GLCCI1: variants seen among roughly 807,000 people sequenced by gnomAD.
GLCCI1 encodes glucocorticoid induced 1, also known as glucocorticoid-induced transcript 1 protein.
A neutral mutation model predicts 52.2 loss-of-function variants in GLCCI1; 24 were observed. That is an observed-to-expected ratio of 0.46 (90% CI 0.33 to 0.65). The LOEUF is 0.65. Ranked by LOEUF, GLCCI1 falls within the 30% of genes least tolerant of loss-of-function variation. GLCCI1 has a pLI of 0.02. For missense variants in GLCCI1, 704 were observed against 701.5 expected (o/e 1.00, Z -0.04); for synonymous variants, 310 against 276.5 (o/e 1.12, Z -1.20).
At chr7:7,982,410 T>C (rs1177712113) in intron 1 of GLCCI1, among the ~76,000 whole-genome samples, 1 of 152,208 alleles carries the variant, frequency 6.6e-6, no homozygotes, top group Non-Finnish European at 1.5e-5. Flanking sequence ...AACATTTTCT[T>C]TGTATACTTT....
At chr7:8,011,810 T>G (rs1283855748) in intron 2 of GLCCI1, among the ~76,000 whole-genome samples, 1 of 151,856 alleles carries the variant, frequency 6.6e-6, no homozygotes, top group African/African-American at 2.4e-5. Context: ...TTGTTGTTGT[T>G]TTTTGTTTTT....
intron 2 of GLCCI1, among the ~76,000 whole-genome samples, chr7:8,018,300 C>A (rs995607580): frequency 6.6e-6 from 1 of 151,730 alleles, no homozygotes; most frequent in African/African-American, 2.4e-5. Flanking sequence ...TTTTAAGTGG[C>A]TTTAGACTTT....
At chr7:7,979,407 T>C (rs948260148) in intron 1 of GLCCI1, among the ~76,000 whole-genome samples, 1 of 143,474 alleles carries the variant, frequency 7.0e-6, no homozygotes, top group Non-Finnish European at 1.6e-5. Context: ...CACTGAGTTT[T>C]AGATTTTATA....
At position 8,088,183 on chromosome 7, in the gene GLCCI1, G is replaced by A. The variant is rs143508292; in HGVS notation, c.*1645G>A. 1.0e-3 allele frequency: 157 copies of A among 152,068 alleles called. No individual in the cohort carries two copies. The highest frequency in any genetic ancestry group is 3.6e-3 in the African/African-American group (148 of 41,288). The allele number at this position is 152,068 out of a possible 1,614,324, so 9.4% of individuals were successfully genotyped here. On this transcript the variant is annotated 3_prime_UTR_variant, in exon 8 of 8. Transcript: ENST00000223145. The stretch of plus-strand genomic sequence containing the variant: ...AGGTTGAAGAAGGATGAGTGATAGA[G>A]AAGAAAGCAACACCATTGATTTTTT...
chr7:8,006,745 A>T (rs776928767), intron 2 of GLCCI1, among the ~76,000 whole-genome samples: 5 of 152,246 alleles, frequency 3.3e-5, no homozygotes, highest in Non-Finnish European at 5.9e-5. Flanking sequence ...CAGATTCTTC[A>T]GAGTTACATG....
At chr7:8,025,542 A>G (rs978785288) in intron 3 of GLCCI1, among the ~76,000 whole-genome samples, 1 of 151,656 alleles carries the variant, frequency 6.6e-6, no homozygotes, top group Non-Finnish European at 1.5e-5. Context: ...AACAGAGAGG[A>G]AAAAAAAATT....
intron 6 of GLCCI1, among the ~76,000 whole-genome samples, chr7:8,073,991 G>A (rs566492506): frequency 6.6e-6 from 1 of 152,268 alleles, no homozygotes; most frequent in South Asian, 2.1e-4. Context: ...AATTAAAATA[G>A]CACCTATCCC....
chr7:8,032,332 A>C (rs915502557), intron 3 of GLCCI1, among the ~76,000 whole-genome samples: 1 of 152,048 alleles, frequency 6.6e-6, no homozygotes, highest in Non-Finnish European at 1.5e-5. Flanking sequence ...CATTAATTAC[A>C]TAAGTTTCCA....
intron 4 of GLCCI1, among the ~76,000 whole-genome samples, chr7:8,059,886 A>G (rs1782476810): frequency 6.6e-6 from 1 of 152,222 alleles, no homozygotes; most frequent in Non-Finnish European, 1.5e-5. Context: ...ACATAAAGGG[A>G]TTTGAAAGGA....
rs192295804 is a variant in GLCCI1, at chr7:8,078,345, C to T, written c.1178-6552C>T. Reference sequence around the variant, plus strand: ...CTTCACATTTAAGAACTATAACTCACGTTGACACAGAAGTAGAGGCAGTAG... The same window carrying T: ...CTTCACATTTAAGAACTATAACTCATGTTGACACAGAAGTAGAGGCAGTAG... On this transcript the variant is annotated intron_variant, in intron 6 of 7. Coordinates refer to ENST00000223145, the MANE Select transcript of GLCCI1 (RefSeq NM_138426.4). 7.2e-5 allele frequency among the ~76,000 whole-genome samples: 11 copies of T among 151,924 alleles called. No homozygotes were observed. In the East Asian group the frequency reaches 2.1e-3, roughly 29 times the overall value.
intron 3 of GLCCI1, among the ~76,000 whole-genome samples, chr7:8,034,618 AAAG>A (rs1161482572): frequency 6.6e-6 from 1 of 152,242 alleles, no homozygotes; most frequent in African/African-American, 2.4e-5. Context: ...CACTTCTCAG[AAAG>A]AAGAACCATA....
chr7:8,059,361 C>A (rs1337686392), intron 4 of GLCCI1, among the ~76,000 whole-genome samples: 1 of 152,138 alleles, frequency 6.6e-6, no homozygotes, highest in Non-Finnish European at 1.5e-5. Flanking sequence ...TATCACAGAT[C>A]ATGTATGTCA....
intron 2 of GLCCI1, among the ~76,000 whole-genome samples, chr7:8,013,504 A>G (rs1323880100): frequency 2.0e-5 from 3 of 152,154 alleles, no homozygotes; most frequent in African/African-American, 4.8e-5. Flanking sequence ...AATAATTTGT[A>G]TGGCTAGTCT....
At chr7:8,049,770 TCA>T (rs1782216447) in intron 3 of GLCCI1, among the ~76,000 whole-genome samples, 1 of 152,206 alleles carries the variant, frequency 6.6e-6, no homozygotes, top group Admixed American at 6.5e-5. Flanking sequence ...AGTTGAACAT[TCA>T]CACAGTATTC....
chr7:8,014,562 A>C (rs1468973433), intron 2 of GLCCI1, among the ~76,000 whole-genome samples: 4 of 152,172 alleles, frequency 2.6e-5, no homozygotes. Flanking sequence ...GAGTATTTTT[A>C]CACTTGCTTC....
At chr7:8,081,117 A>C (rs1438568048) in intron 6 of GLCCI1, among the ~76,000 whole-genome samples, 1 of 152,110 alleles carries the variant, frequency 6.6e-6, no homozygotes, top group Non-Finnish European at 1.5e-5. Flanking sequence ...CCTCACTCCA[A>C]ATCAATGTTC....
chr7:8,038,537 A>G (rs150896407), intron 3 of GLCCI1, among the ~76,000 whole-genome samples: 238 of 152,326 alleles, frequency 1.6e-3, no homozygotes, highest in African/African-American at 5.3e-3. Context: ...GGTCCTGGGA[A>G]AATTGTGTAG....
At chr7:7,974,408 C>T (rs1206575874) in intron 1 of GLCCI1, among the ~76,000 whole-genome samples, 1 of 152,082 alleles carries the variant, frequency 6.6e-6, no homozygotes, top group African/African-American at 2.4e-5. Context: ...GTGTATATAT[C>T]GAACTGGAAA....
chr7:8,039,046 TAAAATC>T (rs1781938384), intron 3 of GLCCI1, among the ~76,000 whole-genome samples: 1 of 151,642 alleles, frequency 6.6e-6, no homozygotes, highest in African/African-American at 2.4e-5. Flanking sequence ...AAATGCAAAA[TAAAATC>T]AAAATGAGAT....
Sources: gnomAD v4.1 joint callset for allele counts (sites outside exome capture counted in the v4.1 genomes callset) on GRCh38, gnomAD v4.1.1 for gene constraint, MANE v1.5 for transcripts, NCBI Gene and HGNC (gene_info 2026-07-23, HGNC 2026-07-21) for gene names.